The following GPM6A variants were observed in gnomAD, a reference collection of about 807,000 sequenced individuals.
GPM6A encodes glycoprotein M6A, also known as neuronal membrane glycoprotein M6-a.
A neutral mutation model predicts 32.1 loss-of-function variants in GPM6A; 7 were observed. The observed-to-expected ratio is 0.22, with a 90% CI of 0.12 to 0.41. The LOEUF (loss-of-function observed/expected upper bound fraction) is 0.41, where lower values mean the gene tolerates loss of function less well. GPM6A is among the 10% of genes least tolerant of loss of function. GPM6A has a pLI of 1.00. For missense variants in GPM6A, 235 were observed against 347.2 expected (o/e 0.68, Z 2.57); for synonymous variants, 130 against 123.4 (o/e 1.05, Z -0.35).
chr4:175,888,270 A>T (rs1737527170), intron 1 of GPM6A, among the ~76,000 whole-genome samples: 1 of 152,026 alleles, frequency 6.6e-6, no homozygotes, highest in African/African-American at 2.4e-5. Context: ...GCTTTTATGA[A>T]GAATAAAGGC....
At chr4:175,697,037 C>A (rs920456719) in intron 2 of GPM6A, among the ~76,000 whole-genome samples, 1 of 152,070 alleles carries the variant, frequency 6.6e-6, no homozygotes, top group African/African-American at 2.4e-5. Context: ...GATGTGTTAA[C>A]TTGAAATTAC....
chr4:175,698,049 A>C (rs1462291652), intron 2 of GPM6A, among the ~76,000 whole-genome samples: 2 of 152,076 alleles, frequency 1.3e-5, no homozygotes, highest in African/African-American at 4.8e-5. Flanking sequence ...TCATGTTGAG[A>C]TAAGTGTATG....
intron 3 of GPM6A, among the ~76,000 whole-genome samples, chr4:175,670,861 A>ATTTTTTTTTTTT (rs33998725): frequency 8.9e-5 from 11 of 124,172 alleles, no homozygotes; most frequent in South Asian, 5.2e-4. Context: ...ATGTTGCTTC[A>ATTTTTTTTTTTT]TTTTTTTTTT....
chr4:175,891,906 T>C (rs539932627), intron 1 of GPM6A, among the ~76,000 whole-genome samples: 61 of 152,318 alleles, frequency 4.0e-4, no homozygotes, highest in African/African-American at 1.4e-3. Flanking sequence ...ATTCATAATA[T>C]TGCAAGCTGT....
chr4:175,939,162 C>G (rs915276595), intron 1 of GPM6A, among the ~76,000 whole-genome samples: 1 of 152,122 alleles, frequency 6.6e-6, no homozygotes, highest in Admixed American at 6.5e-5. Flanking sequence ...ATCGATCACC[C>G]CTCTGGACTA....
intron 4 of GPM6A, among the ~76,000 whole-genome samples, chr4:175,642,338 T>G (rs572247449): frequency 5.3e-5 from 8 of 152,328 alleles, no homozygotes; most frequent in African/African-American, 1.9e-4. Context: ...ATTTATGTTG[T>G]GCTTACATTT....
In GPM6A at chr4:175,868,732, A is replaced by G. The variant is rs574481025; in HGVS notation, c.-22-56483T>C. Among the ~76,000 whole-genome samples the G allele has an allele frequency of 2.6e-5, 4 of 152,362 alleles. No homozygotes were observed. In the South Asian group the frequency reaches 8.3e-4, roughly 32 times the overall value. Reference sequence around the variant, plus strand: ...TATACTGTGACTTATTTTATGGTCCAGAATATGACCTGCCTGTTATATCTC... The same window carrying G: ...TATACTGTGACTTATTTTATGGTCCGGAATATGACCTGCCTGTTATATCTC... On this transcript the variant is annotated intron_variant, in intron 1 of 7. Coordinates refer to the GPM6A transcript ENST00000280187.
At chr4:175,652,810 TAGAC>T (rs1414159418) in intron 3 of GPM6A, among the ~76,000 whole-genome samples, 1 of 152,124 alleles carries the variant, frequency 6.6e-6, no homozygotes, top group Non-Finnish European at 1.5e-5. Context: ...TGATAGACAT[TAGAC>T]AGAAAACTGT....
intron 1 of GPM6A, among the ~76,000 whole-genome samples, chr4:175,785,727 T>A (rs753440659): frequency 1.4e-4 from 21 of 152,102 alleles, no homozygotes; most frequent in Non-Finnish European, 1.9e-4. Flanking sequence ...CAGAAAATAA[T>A]CTAGGGTTTG....
intron 1 of GPM6A, among the ~76,000 whole-genome samples, chr4:175,705,498 A>G (rs1053498060): frequency 6.6e-6 from 1 of 152,164 alleles, no homozygotes; most frequent in African/African-American, 2.4e-5. Flanking sequence ...TATTCGTTTT[A>G]AAAGAAGACT....
chr4:175,943,515 T>C lies in GPM6A; in HGVS notation c.-23+58794A>G, dbSNP rs113502851. ...CATTCAGAATGATATTGGCTGTGAG[T>C]TTCTCATAAGTAGCTCTTATTATTT... is the stretch of plus-strand genomic sequence containing the variant. On this transcript the variant is annotated intron_variant, in intron 1 of 7. Coordinates refer to the GPM6A transcript ENST00000280187. Among the ~76,000 whole-genome samples, 1,229 of 152,282 alleles carry C rather than the reference T, an allele frequency of 8.1e-3. 9 individuals carry two copies. Among genetic ancestry groups the C allele is most frequent in the Non-Finnish European group, 0.013 (894 of 68,012 alleles).
intron 1 of GPM6A, chr4:175,795,701 T>C (rs542965235): frequency 6.6e-6 from 1 of 152,298 alleles, no homozygotes; most frequent in African/African-American, 2.4e-5. Context: ...CAGTGAGTCA[T>C]AATCATTACT....
intron 6 of GPM6A, among the ~76,000 whole-genome samples, chr4:175,636,630 T>C (rs1489685409): frequency 6.6e-6 from 1 of 150,442 alleles, no homozygotes; most frequent in Non-Finnish European, 1.5e-5. Context: ...ACCCCATCTC[T>C]ACTAAAAGTA....
intron 1 of GPM6A, among the ~76,000 whole-genome samples, chr4:175,714,066 C>T (rs1301820576): frequency 6.6e-6 from 1 of 151,990 alleles, no homozygotes; most frequent in Non-Finnish European, 1.5e-5. Flanking sequence ...ATCAAAATCA[C>T]CAGGGGTGCT....
chr4:175,661,752 A>G (rs1288699215), intron 3 of GPM6A, among the ~76,000 whole-genome samples: 4 of 152,192 alleles, frequency 2.6e-5, no homozygotes, highest in Non-Finnish European at 4.4e-5. Context: ...CTGTTTTTCT[A>G]CCAAATGACA....
chr4:175,956,010 C>T (rs1485741100), intron 1 of GPM6A, among the ~76,000 whole-genome samples: 1 of 152,142 alleles, frequency 6.6e-6, no homozygotes, highest in African/African-American at 2.4e-5. Context: ...TCACCAGAGA[C>T]CCAGTTGTAA....
chr4:175,856,552 G>C (rs1325830123), intron 1 of GPM6A, among the ~76,000 whole-genome samples: 2 of 152,216 alleles, frequency 1.3e-5, no homozygotes, highest in African/African-American at 4.8e-5. Context: ...ACAGCTCAGT[G>C]AAGAGTCAGT....
At chr4:175,964,635 G>A (rs1323684752) in intron 1 of GPM6A, among the ~76,000 whole-genome samples, 1 of 152,038 alleles carries the variant, frequency 6.6e-6, no homozygotes, top group East Asian at 1.9e-4. Flanking sequence ...CAGTCATATT[G>A]GATTAGGGCC....
At chr4:175,638,870 T>A (rs1454729798) in intron 6 of GPM6A, among the ~76,000 whole-genome samples, 2 of 152,136 alleles carry the variant, frequency 1.3e-5, no homozygotes, top group Non-Finnish European at 2.9e-5. Flanking sequence ...AGGACAATAA[T>A]GTTTGGTATA....
Sources: allele counts gnomAD v4.1 joint callset (sites outside exome capture counted in the v4.1 genomes callset), GRCh38; gene constraint gnomAD v4.1.1; transcripts MANE v1.5; gene names NCBI Gene and HGNC (gene_info 2026-07-23, HGNC 2026-07-21).